The following GALNT13 variants were observed in gnomAD, a reference collection of about 807,000 sequenced individuals.
The protein encoded by GALNT13 is polypeptide N-acetylgalactosaminyltransferase 13, also known as UDP-GalNAc:polypeptide N-acetylgalactosaminyltransferase 13.
A neutral mutation model predicts 64.2 loss-of-function variants in GALNT13; 28 were observed. The ratio of observed to expected loss-of-function variants is 0.44; its 90% CI spans 0.32 to 0.60. GALNT13 has a LOEUF of 0.60. Among genes scored for constraint, GALNT13 ranks in the 20% least tolerant of loss-of-function variants. The probability of loss-of-function intolerance (pLI) is 0.05; values close to 1 mark genes in which losing one functional copy is unlikely to be tolerated. For missense variants in GALNT13, 577 were observed against 669.8 expected (o/e 0.86, Z 1.53); for synonymous variants, 214 against 224.6 (o/e 0.95, Z 0.42).
At chr2:154,008,366 C>T (rs891734362) in intron 3 of GALNT13, among the ~76,000 whole-genome samples, 4 of 152,036 alleles carry the variant, frequency 2.6e-5, no homozygotes, top group South Asian at 2.1e-4. Flanking sequence ...CCTATCTGAC[C>T]TTCGTATATT....
intron 4 of GALNT13, among the ~76,000 whole-genome samples, chr2:154,179,703 C>A (rs2105726022): frequency 6.6e-6 from 1 of 151,674 alleles, no homozygotes. Context: ...TAAGGGCTTT[C>A]TTTTTCTCAT....
At chr2:153,187,133 C>A in the GALNT13 span, among the ~76,000 whole-genome samples, 2 of 152,158 alleles carry the variant, frequency 1.3e-5, no homozygotes, top group Non-Finnish European at 2.9e-5. Context: ...AGCTTCACTG[C>A]TGAATTCTTT....
chr2:153,606,582 A>G, the GALNT13 span, among the ~76,000 whole-genome samples: 78 of 152,248 alleles, frequency 5.1e-4, no homozygotes, highest in African/African-American at 1.6e-3. Context: ...CAGGGAGGCC[A>G]AAAGATTGGA....
the GALNT13 span, among the ~76,000 whole-genome samples, chr2:153,079,141 A>G: frequency 8.7e-4 from 132 of 152,270 alleles, 2 homozygotes; most frequent in East Asian, 0.022. Flanking sequence ...ATAGATCCCA[A>G]GTGGAGGGGC....
chr2:153,841,984 G>A, the GALNT13 span, among the ~76,000 whole-genome samples: 2 of 152,102 alleles, frequency 1.3e-5, no homozygotes, highest in Non-Finnish European at 2.9e-5. Context: ...AAAATTTTAA[G>A]GGTGTTCTTT....
At chr2:154,326,534 T>A (rs1694884754) in intron 9 of GALNT13, among the ~76,000 whole-genome samples, 1 of 152,092 alleles carries the variant, frequency 6.6e-6, no homozygotes. Flanking sequence ...ATATTAATTA[T>A]CTCCTAGGAG....
At chr2:153,559,653 G>C in the GALNT13 span, among the ~76,000 whole-genome samples, 30 of 152,130 alleles carry the variant, frequency 2.0e-4, no homozygotes, top group Middle Eastern at 3.4e-3. Flanking sequence ...GTATCAGCCT[G>C]ATCCTTCCAT....
At chr2:153,411,497 A>AGATGTATGCATGAG in the GALNT13 span, among the ~76,000 whole-genome samples, 1 of 152,162 alleles carries the variant, frequency 6.6e-6, no homozygotes, top group Non-Finnish European at 1.5e-5. Flanking sequence ...CGGTGGGGGA[A>AGATGTATGCATGAG]GATGTATGCA....
chr2:153,356,368 G>C, the GALNT13 span, among the ~76,000 whole-genome samples: 1 of 152,206 alleles, frequency 6.6e-6, no homozygotes, highest in Non-Finnish European at 1.5e-5. Flanking sequence ...AAAAGTCTTT[G>C]AATGGGATAG....
the GALNT13 span, among the ~76,000 whole-genome samples, chr2:153,316,352 A>G: frequency 6.6e-6 from 1 of 152,108 alleles, no homozygotes. Context: ...GTCTAAAAAC[A>G]CTTGTACAGG....
At chr2:153,580,811 T>C in the GALNT13 span, among the ~76,000 whole-genome samples, 2 of 152,170 alleles carry the variant, frequency 1.3e-5, no homozygotes, top group Non-Finnish European at 2.9e-5. Context: ...GCAGAAGTAA[T>C]AGCAGTTGAA....
chr2:153,876,336 AC>A (rs1227500050), intron 1 of GALNT13, among the ~76,000 whole-genome samples: 1 of 152,066 alleles, frequency 6.6e-6, no homozygotes, highest in African/African-American at 2.4e-5. Context: ...ATCAGATTAG[AC>A]TTCTGTTTAC....
the GALNT13 span, among the ~76,000 whole-genome samples, chr2:153,116,794 CTTTTTTTTTTT>C: frequency 2.4e-5 from 2 of 82,466 alleles, no homozygotes; most frequent in African/African-American, 8.7e-5. Context: ...GTGTTGTCTT[CTTTTTTTTTTT>C]TTTTTTTTTT....
intron 9 of GALNT13, among the ~76,000 whole-genome samples, chr2:154,364,623 A>G (rs981176753): frequency 1.1e-4 from 16 of 151,818 alleles, no homozygotes; most frequent in African/African-American, 3.1e-4. Context: ...ACTATTGAGT[A>G]TTGTTATCCT....
At chr2:153,118,194 A>G in the GALNT13 span, among the ~76,000 whole-genome samples, 5 of 151,926 alleles carry the variant, frequency 3.3e-5, no homozygotes, top group African/African-American at 7.3e-5. Context: ...AGAAAAGTCA[A>G]TAGTCTTTAC....
chr2:153,283,039 A>G, the GALNT13 span, among the ~76,000 whole-genome samples: 1 of 152,186 alleles, frequency 6.6e-6, no homozygotes, highest in Non-Finnish European at 1.5e-5. Flanking sequence ...GCAGGTGGAC[A>G]TATACTCCAT....
At chr2:153,928,917 C>A (rs76183255) in intron 2 of GALNT13, among the ~76,000 whole-genome samples, 11,945 of 152,154 alleles carry the variant, frequency 0.079, 784 homozygotes, top group African/African-American at 0.17. Flanking sequence ...GCTTTCTAAA[C>A]ATTCTCTGTA....
At chr2:153,244,922 G>C in the GALNT13 span, among the ~76,000 whole-genome samples, 2 of 152,238 alleles carry the variant, frequency 1.3e-5, no homozygotes, top group Non-Finnish European at 2.9e-5. Flanking sequence ...GTCCACCTGG[G>C]ATGATTGAGC....
chr2:153,446,726 C>G, the GALNT13 span: 2 of 152,106 alleles, frequency 1.3e-5, no homozygotes, highest in African/African-American at 4.8e-5. Context: ...GTGTATTTTT[C>G]AAACTCTGGA....
Sources: allele counts gnomAD v4.1 joint callset (sites outside exome capture counted in the v4.1 genomes callset), GRCh38; gene constraint gnomAD v4.1.1; transcripts MANE v1.5; gene names NCBI Gene and HGNC (gene_info 2026-07-23, HGNC 2026-07-21).